The following ASB3 variants were observed in gnomAD, a reference collection of about 807,000 sequenced individuals.
ASB3 encodes the protein ankyrin repeat and SOCS box containing 3, also known as ankyrin repeat and SOCS box protein 3.
A neutral mutation model predicts 54.5 loss-of-function variants in ASB3; 41 were observed. The ratio of observed to expected loss-of-function variants is 0.75; its 90% confidence interval spans 0.59 to 0.98. The LOEUF is 0.98. Ranked by LOEUF, ASB3 falls within the 50% of genes least tolerant of loss-of-function variation. The pLI is 0.00. For missense variants in ASB3, 733 were observed against 620.0 expected (o/e 1.18, Z -1.94); for synonymous variants, 266 against 221.2 (o/e 1.20, Z -1.80).
intron 9 of ASB3, among the ~76,000 whole-genome samples, chr2:53,685,315 G>C (rs1273019164): frequency 1.3e-5 from 2 of 152,134 alleles, no homozygotes; most frequent in Admixed American, 1.3e-4. Flanking sequence ...TGGATTTGGA[G>C]GATAATTACA....
At chr2:53,751,937 C>A (rs982418868) in intron 2 of ASB3, among the ~76,000 whole-genome samples, 1 of 152,142 alleles carries the variant, frequency 6.6e-6, no homozygotes, top group Non-Finnish European at 1.5e-5. Flanking sequence ...AGAGATTAGT[C>A]AGAAGTTGAC....
chr2:53,725,281 A>G (rs1670933232), intron 5 of ASB3, among the ~76,000 whole-genome samples: 1 of 152,202 alleles, frequency 6.6e-6, no homozygotes, highest in Admixed American at 6.5e-5. Context: ...CTGGGGACTA[A>G]TAGAGAGGGG....
intron 7 of ASB3, among the ~76,000 whole-genome samples, chr2:53,707,557 G>C (rs1669849952): frequency 6.6e-6 from 1 of 151,568 alleles, no homozygotes; most frequent in Non-Finnish European, 1.5e-5. Context: ...CTGAGGTGGA[G>C]AATGGCATGA....
chr2:53,731,861 C>A (rs982487032), intron 3 of ASB3, among the ~76,000 whole-genome samples: 7 of 152,200 alleles, frequency 4.6e-5, no homozygotes, highest in Admixed American at 2.6e-4. Context: ...CCATGTTGGC[C>A]AGGGTGGTCC....
At chr2:53,745,969 TAGA>T (rs533314981) in intron 3 of ASB3, among the ~76,000 whole-genome samples, 31 of 152,328 alleles carry the variant, frequency 2.0e-4, no homozygotes, top group African/African-American at 7.0e-4. Context: ...TCTTCCATTA[TAGA>T]CTGAAGCAGG....
At chr2:53,705,950 G>A (rs1354557128) in intron 7 of ASB3, among the ~76,000 whole-genome samples, 1 of 152,056 alleles carries the variant, frequency 6.6e-6, no homozygotes, top group African/African-American at 2.4e-5. Flanking sequence ...GCACACATCC[G>A]GGCAAGGTGA....
intron 7 of ASB3, among the ~76,000 whole-genome samples, chr2:53,710,986 C>T (rs1670062870): frequency 6.6e-6 from 1 of 151,456 alleles, no homozygotes; most frequent in South Asian, 2.1e-4. Context: ...AAAAAAATTC[C>T]AGGCATGGTG....
intron 9 of ASB3, among the ~76,000 whole-genome samples, chr2:53,673,386 T>G (rs796953093): frequency 2.2e-4 from 34 of 152,326 alleles, no homozygotes; most frequent in African/African-American, 7.7e-4. Flanking sequence ...CTACACTGGC[T>G]TAAAATTCTA....
intron 1 of ASB3, among the ~76,000 whole-genome samples, chr2:53,782,118 A>C (rs575265028): frequency 2.0e-4 from 30 of 152,344 alleles, no homozygotes; most frequent in Admixed American, 4.6e-4. Flanking sequence ...TTGGGATGGC[A>C]GTGAGCAGTG....
At chr2:53,703,216 G>A (rs758166568) in intron 7 of ASB3, among the ~76,000 whole-genome samples, 2 of 151,872 alleles carry the variant, frequency 1.3e-5, no homozygotes, top group African/African-American at 2.4e-5. Context: ...TTCCTCATTC[G>A]AGATGGATTA....
chr2:53,706,981 T>C (rs1312094433), intron 7 of ASB3, among the ~76,000 whole-genome samples: 1 of 152,222 alleles, frequency 6.6e-6, no homozygotes, highest in African/African-American at 2.4e-5. Flanking sequence ...AAATAAATAC[T>C]ATAAGTAACC....
chr2:53,727,687 T>C (rs1213467559), intron 5 of ASB3, among the ~76,000 whole-genome samples: 2 of 152,158 alleles, frequency 1.3e-5, no homozygotes, highest in Non-Finnish European at 2.9e-5. Flanking sequence ...CTATTTTCTA[T>C]TTAAAGGAAG....
intron 2 of ASB3, among the ~76,000 whole-genome samples, chr2:53,765,124 C>T (rs1269120155): frequency 2.0e-5 from 3 of 152,142 alleles, no homozygotes; most frequent in Non-Finnish European, 4.4e-5. Flanking sequence ...ACTACTTCTC[C>T]CATATCACCT....
At chr2:53,755,267 G>A (rs1672752730) in intron 2 of ASB3, among the ~76,000 whole-genome samples, 1 of 152,108 alleles carries the variant, frequency 6.6e-6, no homozygotes, top group Admixed American at 6.5e-5. Flanking sequence ...AATGACAAGA[G>A]TTGGCCCAAA....
chr2:53,763,141 G>T (rs1478569123), intron 2 of ASB3, among the ~76,000 whole-genome samples: 3 of 152,122 alleles, frequency 2.0e-5, no homozygotes, highest in African/African-American at 7.2e-5. Flanking sequence ...CAGCACTTTG[G>T]GAAGCCAAGG....
intron 3 of ASB3, among the ~76,000 whole-genome samples, chr2:53,731,897 C>T (rs1240982207): frequency 6.6e-6 from 1 of 152,016 alleles, no homozygotes; most frequent in Non-Finnish European, 1.5e-5. Flanking sequence ...AGGTGATCCA[C>T]CAGCCTCGGC....
At chr2:53,752,314 T>C (rs1672559492) in intron 2 of ASB3, among the ~76,000 whole-genome samples, 1 of 152,036 alleles carries the variant, frequency 6.6e-6, no homozygotes, top group Non-Finnish European at 1.5e-5. Context: ...CAGGACAAAT[T>C]AGGCATGTGG....
At chr2:53,695,451 G>C (rs2103739394) in intron 8 of ASB3, among the ~76,000 whole-genome samples, 1 of 151,678 alleles carries the variant, frequency 6.6e-6, no homozygotes, top group East Asian at 1.9e-4. Context: ...ACTTTCTAGG[G>C]GTCCCAAACC....
At chr2:53,780,100 C>T (rs1181632176) in intron 1 of ASB3, among the ~76,000 whole-genome samples, 1 of 152,176 alleles carries the variant, frequency 6.6e-6, no homozygotes, top group Non-Finnish European at 1.5e-5. Context: ...CCAATACACG[C>T]TCTACTGTGC....
Sources: gnomAD v4.1 joint callset for allele counts (sites outside exome capture counted in the v4.1 genomes callset) on GRCh38, gnomAD v4.1.1 for gene constraint, MANE v1.5 for transcripts, NCBI Gene and HGNC (gene_info 2026-07-23, HGNC 2026-07-21) for gene names.